The following AKAP6 variants were observed in gnomAD, a reference collection of about 807,000 sequenced individuals.
AKAP6 encodes A-kinase anchor protein 6.
In AKAP6, 58 loss-of-function variants were observed where a neutral mutation model predicts 188.5. That is an observed-to-expected ratio of 0.31 (90% CI 0.25 to 0.38). AKAP6 has a LOEUF of 0.38. AKAP6 is among the 10% of genes least tolerant of loss of function. The pLI, the probability that AKAP6 is intolerant of heterozygous loss-of-function variation, is 1.00. For missense variants in AKAP6, 2,710 were observed against 2,740.0 expected (o/e 0.99, Z 0.24); for synonymous variants, 989 against 998.6 (o/e 0.99, Z 0.18).
In AKAP6 at chr14:32,818,856, A is replaced by G. The variant is rs548523748; in HGVS notation, c.3589-2546A>G. Among the ~76,000 whole-genome samples, 5 of 152,308 alleles carry G rather than the reference A, an allele frequency of 3.3e-5. No homozygotes were observed. The East Asian group carries it at 5.8e-4, about 18-fold the overall frequency. Reference sequence around the variant, plus strand: ...TGGAAAATCTGTGCTGCTAAATGTTAAAGTCAACCAGAGAGTTACAAAAAG... The same window carrying G: ...TGGAAAATCTGTGCTGCTAAATGTTGAAGTCAACCAGAGAGTTACAAAAAG... On this transcript the variant is annotated intron_variant, in intron 12 of 13. Transcript: ENST00000280979.
Position 32,431,767 on chromosome 14 carries a change from G to A in AKAP6, c.-34-1693G>A, listed in dbSNP as rs369449992. The stretch of plus-strand genomic sequence containing the variant: ...GACCTCAGGTGATCTGCCTGCCTCG[G>A]CCTCCCAAAGTGTTGGGATTACAGG... On this transcript the variant is annotated intron_variant, in intron 1 of 13. Transcript: ENST00000280979. Among the ~76,000 whole-genome samples, 224 of 152,318 alleles carry A rather than the reference G, an allele frequency of 1.5e-3. 1 individual carries two copies. The highest frequency in any genetic ancestry group is 5.2e-3 in the African/African-American group (217 of 41,568).
chr14:32,485,631 A>G (rs894342813), intron 2 of AKAP6, among the ~76,000 whole-genome samples: 25 of 149,772 alleles, frequency 1.7e-4, no homozygotes, highest in South Asian at 4.3e-4. Context: ...GTGTCTGTTC[A>G]TACCCTTCGC....
chr14:32,665,384 C>A (rs555244641), intron 7 of AKAP6, among the ~76,000 whole-genome samples: 1 of 152,010 alleles, frequency 6.6e-6, no homozygotes, highest in Non-Finnish European at 1.5e-5. Context: ...CACAGAGCTC[C>A]GGGAAACACT....
At chr14:32,736,655 GA>G (rs2139846185) in intron 11 of AKAP6, among the ~76,000 whole-genome samples, 2 of 152,218 alleles carry the variant, frequency 1.3e-5, no homozygotes, top group East Asian at 3.9e-4. Context: ...TTCATCATGA[GA>G]AATCTTAAAG....
chr14:32,746,166 T>A lies in AKAP6; in HGVS notation c.3372+10284T>A, dbSNP rs114053818. On this transcript the variant is annotated intron_variant, in intron 11 of 13. Coordinates refer to ENST00000280979, the MANE Select transcript of AKAP6 (RefSeq NM_004274.5). ...GCCCACTTGTTACTCTACCCCTCTG[T>A]AGCCAAGCTGATATCTAAGATGCGA... 3.5e-3 allele frequency among the ~76,000 whole-genome samples: 539 copies of A among 152,234 alleles called. 5 individuals carry two copies. The highest frequency in any genetic ancestry group is 0.012 in the African/African-American group (499 of 41,558).
intron 7 of AKAP6, among the ~76,000 whole-genome samples, chr14:32,677,793 A>C (rs548616640): frequency 1.3e-5 from 2 of 152,366 alleles, no homozygotes; most frequent in East Asian, 3.9e-4. Flanking sequence ...ATTACTTTAA[A>C]ATTATTAAGA....
chr14:32,689,561 T>C (rs1326678512), intron 8 of AKAP6, among the ~76,000 whole-genome samples: 1 of 152,194 alleles, frequency 6.6e-6, no homozygotes, highest in African/African-American at 2.4e-5. Context: ...TGAATTTTCA[T>C]TCAAAATAGT....
chr14:32,373,639 G>A (rs150511718), intron 1 of AKAP6: 4,043 of 152,308 alleles, frequency 0.027, 198 homozygotes, highest in African/African-American at 0.093. Context: ...GGAAAGGGCT[G>A]TTACTGTCTT....
intron 1 of AKAP6, among the ~76,000 whole-genome samples, chr14:32,422,154 G>T (rs1463135183): frequency 6.6e-6 from 1 of 152,124 alleles, no homozygotes; most frequent in Admixed American, 6.5e-5. Context: ...CTTAACATAT[G>T]ATTGTCTCTT....
intron 7 of AKAP6, among the ~76,000 whole-genome samples, chr14:32,608,339 A>G (rs1190296120): frequency 6.6e-6 from 1 of 151,994 alleles, no homozygotes; most frequent in Non-Finnish European, 1.5e-5. Flanking sequence ...TCTCTACTAA[A>G]AATATAAAAA....
At chr14:32,723,296 G>A (rs2030653167) in intron 9 of AKAP6, among the ~76,000 whole-genome samples, 1 of 152,160 alleles carries the variant, frequency 6.6e-6, no homozygotes, top group African/African-American at 2.4e-5. Flanking sequence ...ATTTTGGAGT[G>A]GGGGTAGTGG....
At chr14:32,597,583 A>T (rs1885757152) in intron 5 of AKAP6, among the ~76,000 whole-genome samples, 1 of 152,210 alleles carries the variant, frequency 6.6e-6, no homozygotes, top group African/African-American at 2.4e-5. Flanking sequence ...GATCAGAAGT[A>T]TGAGGCTTCC....
chr14:32,511,346 A>C (rs1370124315), intron 2 of AKAP6, among the ~76,000 whole-genome samples: 1 of 150,356 alleles, frequency 6.7e-6, no homozygotes, highest in Non-Finnish European at 1.5e-5. Flanking sequence ...TTCTGTTTAC[A>C]GAAATCATCT....
chr14:32,415,219 A>C (rs1480439744), intron 1 of AKAP6, among the ~76,000 whole-genome samples: 2 of 152,186 alleles, frequency 1.3e-5, no homozygotes, highest in Non-Finnish European at 2.9e-5. Context: ...TATTGTAAGC[A>C]GTCACACGTG....
intron 12 of AKAP6, among the ~76,000 whole-genome samples, chr14:32,807,457 T>C (rs1019121162): frequency 9.2e-5 from 14 of 152,348 alleles, no homozygotes; most frequent in Non-Finnish European, 1.6e-4. Flanking sequence ...TTTTGTTCTC[T>C]AGTGAGGGAA....
rs755849641 is a variant in AKAP6, at chr14:32,751,246, AG to A, written c.3372+15365del. 2.0e-5 allele frequency among the ~76,000 whole-genome samples: 3 copies of A among 152,284 alleles called. No homozygotes were observed. The East Asian group carries it at 5.8e-4, about 29-fold the overall frequency. ...ATCTTCTAATAATTTTCACAGGAAAAGTCCATTCCTAGTATTTTTTCCAAAC... is the reference window on the plus strand; with the variant it reads ...ATCTTCTAATAATTTTCACAGGAAAATCCATTCCTAGTATTTTTTCCAAAC... On this transcript the variant is annotated intron_variant, in intron 11 of 13. Transcript: ENST00000280979.
chr14:32,819,365 C>T (rs1330382091), intron 12 of AKAP6, among the ~76,000 whole-genome samples: 3 of 152,126 alleles, frequency 2.0e-5, no homozygotes, highest in Non-Finnish European at 4.4e-5. Context: ...TTGAGGGCTT[C>T]TTAGGAAAGT....
chr14:32,344,030 G>A (rs1269899641), intron 1 of AKAP6, among the ~76,000 whole-genome samples: 1 of 152,146 alleles, frequency 6.6e-6, no homozygotes, highest in Non-Finnish European at 1.5e-5. Context: ...AGCACCTCTG[G>A]CAAAAACTCT....
intron 12 of AKAP6, among the ~76,000 whole-genome samples, chr14:32,813,395 C>CCCG (rs1555365146): frequency 5.0e-5 from 6 of 119,562 alleles, no homozygotes; most frequent in Admixed American, 7.9e-5. Context: ...CCCTACCCCC[C>CCCG]CCCCCAACCC....
Sources: gnomAD v4.1 joint callset for allele counts (sites outside exome capture counted in the v4.1 genomes callset) on GRCh38, gnomAD v4.1.1 for gene constraint, MANE v1.5 for transcripts, NCBI Gene and HGNC (gene_info 2026-07-23, HGNC 2026-07-21) for gene names.